ASRGL1: variants seen among roughly 807,000 people sequenced by gnomAD.
ASRGL1 encodes the protein isoaspartyl peptidase/L-asparaginase.
In ASRGL1, 16 loss-of-function variants were observed where a neutral mutation model predicts 22.4. That is an observed-to-expected ratio of 0.71 (90% confidence interval 0.48 to 1.08). The LOEUF is 1.08. Among genes scored for constraint, ASRGL1 ranks in the 50% least tolerant of loss-of-function variants. The probability of loss-of-function intolerance (pLI) is 0.00; values close to 1 mark genes in which losing one functional copy is unlikely to be tolerated. For synonymous variants in ASRGL1, 165 were observed against 159.3 expected (o/e 1.04, Z -0.27); for missense variants, 412 against 410.1 (o/e 1.00, Z -0.04).
intron 4 of ASRGL1, chr11:62,371,061 C>T (rs1348814362): frequency 3.8e-6 from 2 of 524,814 alleles, no homozygotes; most frequent in Admixed American, 4.4e-5. Context: ...AAAAAAAGCC[C>T]TCCGATCCGT....
At chr11:62,363,483 G>A (rs1199483242) in intron 4 of ASRGL1, among the ~76,000 whole-genome samples, 1 of 152,078 alleles carries the variant, frequency 6.6e-6, no homozygotes, top group Non-Finnish European at 1.5e-5. Flanking sequence ...ACATTCTCCT[G>A]TTTTTGATTT....
At chr11:62,381,919 TG>T in intron 4 of ASRGL1, 1 of 152,942 alleles carries the variant, frequency 6.5e-6, no homozygotes, top group South Asian at 1.8e-4. Context: ...GCACCCACGT[TG>T]GGCACCAGAT....
chr11:62,392,254 T>C lies in ASRGL1; in HGVS notation c.897T>C (p.Pro299=), dbSNP rs754838761. Residue 299 remains proline (P), a synonymous_variant, in exon 7 of 7, where the codon CCT becomes CCC. Coordinates refer to ENST00000415229, the MANE Select transcript of ASRGL1 (RefSeq NM_001083926.2). ...KDGKLHFGID[P]DDTTITDLP The stretch of plus-strand genomic sequence containing the variant: ...GCAAGCTGCACTTCGGAATTGATCC[T>C]GACGATACTACTATCACCGACCTTC... 1.2e-6 allele frequency: 2 copies of C among 1,614,070 alleles called. No individual in the cohort carries two copies. Among genetic ancestry groups the C allele is most frequent in the Non-Finnish European group, 1.7e-6 (2 of 1,180,042 alleles).
chr11:62,353,875 C>T (rs1265548315), intron 2 of ASRGL1, among the ~76,000 whole-genome samples: 1 of 152,034 alleles, frequency 6.6e-6, no homozygotes, highest in Admixed American at 6.6e-5. Context: ...AAAGGGATGC[C>T]TTGTTATTGC....
chr11:62,370,718 T>C (rs1383363885), intron 4 of ASRGL1, among the ~76,000 whole-genome samples: 1 of 152,166 alleles, frequency 6.6e-6, no homozygotes, highest in Non-Finnish European at 1.5e-5. Flanking sequence ...CAATCTGTAA[T>C]AGTTCTGAAT....
chr11:62,380,972 A>AGCG (rs1342806819), intron 4 of ASRGL1, among the ~76,000 whole-genome samples: 1 of 152,118 alleles, frequency 6.6e-6, no homozygotes, highest in Non-Finnish European at 1.5e-5. Flanking sequence ...GGCTGAGGCT[A>AGCG]TAGCGCCCTG....
intron 2 of ASRGL1, among the ~76,000 whole-genome samples, chr11:62,339,495 C>T (rs1049077058): frequency 1.3e-5 from 2 of 152,130 alleles, no homozygotes; most frequent in African/African-American, 2.4e-5. Flanking sequence ...TTTTGGAATA[C>T]TAATCATTAT....
intron 4 of ASRGL1, among the ~76,000 whole-genome samples, chr11:62,357,996 G>A (rs1031344164): frequency 2.0e-5 from 3 of 152,196 alleles, no homozygotes; most frequent in Non-Finnish European, 4.4e-5. Context: ...GATCTGAGGT[G>A]GAGAAGCCAG....
chr11:62,385,970 T>A (rs1947191392), intron 4 of ASRGL1, among the ~76,000 whole-genome samples: 1 of 152,116 alleles, frequency 6.6e-6, no homozygotes, highest in Non-Finnish European at 1.5e-5. Context: ...GAGACCAGCC[T>A]GGCCAACATA....
chr11:62,396,419 A>G (rs1031768743), downstream of ASRGL1, among the ~76,000 whole-genome samples: 1 of 152,246 alleles, frequency 6.6e-6, no homozygotes, highest in Non-Finnish European at 1.5e-5. Flanking sequence ...AGTTAAAAAT[A>G]TGTAGGAGGA....
In ASRGL1 at chr11:62,389,118, G is replaced by A. The variant is rs756319692; in HGVS notation, c.492-15G>A. ...ATTTTCAGCCTGTCACTTTTTTTCT[G>A]TTTATTTTTGGCAGAAACTTGGGAA... On this transcript the variant is annotated splice_polypyrimidine_tract_variant and intron_variant, in intron 4 of 6. Transcript: ENST00000415229. 1.3e-6 allele frequency: 2 copies of A among 1,595,996 alleles called. No individual in the cohort carries two copies. The highest frequency in any genetic ancestry group is 1.7e-6 in the Non-Finnish European group (2 of 1,166,460).
intron 4 of ASRGL1, among the ~76,000 whole-genome samples, chr11:62,366,629 AT>A: frequency 6.6e-6 from 1 of 151,590 alleles, no homozygotes; most frequent in East Asian, 1.9e-4. Context: ...TTTCCTTTGA[AT>A]TATTTTTTCC....
rs961462567 is a variant in ASRGL1 at position 62,338,043 on chromosome 11, A to T, written c.66A>T (p.Arg22=). ...AGPISKDRKE[R]VHQGMVRAAT... is the part of the protein sequence containing the mutation. Reference sequence around the variant, plus strand: ...CCATCTCCAAGGATCGGAAGGAGCGAGTGCACCAGGGCATGGTCAGAGCCG... The same window carrying T: ...CCATCTCCAAGGATCGGAAGGAGCGTGTGCACCAGGGCATGGTCAGAGCCG... Residue 22 remains arginine, a synonymous_variant, in exon 2 of 7, where the codon CGA becomes CGT. Transcript: ENST00000415229. 1.9e-6 allele frequency: 3 copies of T among 1,608,506 alleles called. No homozygotes were observed. The African/African-American group carries it at 4.0e-5, about 21-fold the overall frequency.
chr11:62,364,953 T>C (rs7943362), intron 4 of ASRGL1, among the ~76,000 whole-genome samples: 149,324 of 151,994 alleles, frequency 0.98, 73,412 homozygotes, highest in Middle Eastern at 1. Flanking sequence ...CCTGTAATCC[T>C]AGCTACTTGG....
chr11:62,371,354 T>G (rs1946758605), intron 4 of ASRGL1: 3 of 914,200 alleles, frequency 3.3e-6, no homozygotes, highest in Non-Finnish European at 4.7e-6. Context: ...GCGCAGCCTG[T>G]GGCAGCAGGC....
At chr11:62,343,785 C>T (rs1195504516) in intron 2 of ASRGL1, among the ~76,000 whole-genome samples, 3 of 149,256 alleles carry the variant, frequency 2.0e-5, no homozygotes, top group Admixed American at 6.7e-5. Context: ...CCAGCACTAA[C>T]TAGTGAGTGT....
chr11:62,362,060 A>G (rs961761735), intron 4 of ASRGL1, among the ~76,000 whole-genome samples: 1 of 152,168 alleles, frequency 6.6e-6, no homozygotes, highest in Non-Finnish European at 1.5e-5. Context: ...ACAAGCAAGA[A>G]GCTTGGCTAA....
chr11:62,375,482 T>TATATATATATATA (rs1565169632), intron 4 of ASRGL1, among the ~76,000 whole-genome samples: 4 of 70,918 alleles, frequency 5.6e-5, no homozygotes, highest in Admixed American at 1.9e-4. Context: ...ATATATATAT[T>TATATATATATATA]TCTTGGAGTA....
intron 4 of ASRGL1, chr11:62,371,605 G>A (rs1407378033): frequency 1.5e-6 from 1 of 669,602 alleles, no homozygotes; most frequent in East Asian, 3.6e-5. Context: ...AAAGTGCAAA[G>A]GGGAGCTTTT....
Sources: allele counts gnomAD v4.1 joint callset (sites outside exome capture counted in the v4.1 genomes callset), GRCh38; gene constraint gnomAD v4.1.1; transcripts MANE v1.5; gene names NCBI Gene and HGNC (gene_info 2026-07-23, HGNC 2026-07-21).